EIF2A: variants seen among roughly 807,000 people sequenced by gnomAD.
EIF2A encodes 65 kDa eukaryotic translation initiation factor 2A.
A neutral mutation model predicts 75.2 loss-of-function variants in EIF2A; 62 were observed. The ratio of observed to expected loss-of-function variants is 0.82; its 90% CI spans 0.67 to 1.02. EIF2A has a LOEUF of 1.02. Among genes scored for constraint, EIF2A ranks in the 50% least tolerant of loss-of-function variants. EIF2A has a pLI of 0.00. For synonymous variants in EIF2A, 207 were observed against 239.0 expected, an observed-to-expected ratio of 0.87 and a Z score of 1.23; for missense variants, 611 against 677.7, an observed-to-expected ratio of 0.90 and a Z score of 1.09.
In EIF2A at chr3:150,552,391, C is replaced by T. The variant is rs1489128272; in HGVS notation, c.64C>T (p.Pro22Ser). Reference protein sequence around the residue: ...GSEGLYMVNGPPHFTESTVFP... With the variant: ...GSEGLYMVNGSPHFTESTVFP... ...AGAAGGACTGTACATGGTGAATGGA[C>T]CACCACATTTTACAGAAAGCACAGT... is the stretch of plus-strand genomic sequence containing the variant. Residue 22 changes from proline to serine, a missense_variant, in exon 2 of 14, where the codon CCA becomes TCA. Physicochemically the swap from Pro to Ser is moderately conservative, Grantham distance 74. Transcript: ENST00000460851. 6.4e-7 allele frequency: 1 copy of T among 1,553,296 alleles called. No individual in the cohort carries two copies. Among genetic ancestry groups the T allele is most frequent in the Admixed American group, 2.0e-5 (1 of 51,174 alleles).
rs200092124 is a variant in EIF2A at position 150,558,483 on chromosome 3, C to A, written c.173+21C>A. On this transcript the variant is annotated intron_variant, in intron 3 of 13. Coordinates refer to ENST00000460851, the MANE Select transcript of EIF2A (RefSeq NM_032025.5). Reference sequence around the variant, plus strand: ...GAAAAGTTAGTGTTCATTTACATAACATATTTTGTGTGTCACGAATATAAA... The same window carrying A: ...GAAAAGTTAGTGTTCATTTACATAAAATATTTTGTGTGTCACGAATATAAA... 63 of 1,466,012 alleles carry A rather than the reference C, an allele frequency of 4.3e-5. No homozygotes were observed. The African/African-American group carries it at 9.2e-4, about 21-fold the overall frequency. The allele number at this position is 1,466,012 out of a possible 1,614,324, so 90.8% of individuals were successfully genotyped here. A position where few individuals can be genotyped will look rare whatever the true frequency, so the allele number is the denominator to read the frequency against.
intron 9 of EIF2A, among the ~76,000 whole-genome samples, chr3:150,570,619 T>G (rs952869447): frequency 2.6e-5 from 4 of 151,380 alleles, no homozygotes; most frequent in African/African-American, 4.9e-5. Context: ...GAAATAAAAT[T>G]ACTTACAGTA....
At chr3:150,573,992 C>T (rs1334487920) in intron 10 of EIF2A, among the ~76,000 whole-genome samples, 1 of 151,958 alleles carries the variant, frequency 6.6e-6, no homozygotes, top group Non-Finnish European at 1.5e-5. Flanking sequence ...GGTGGATCGC[C>T]TGAGCTCAGG....
At chr3:150,583,391 C>A in intron 13 of EIF2A, 126 bp downstream of exon 13, 1 of 800,106 alleles carries the variant, frequency 1.2e-6, no homozygotes. Context: ...AACCATATGC[C>A]ATATTCTTTT....
chr3:150,572,392 T>A lies in EIF2A; in HGVS notation c.1246T>A (p.Phe416Ile). 1.9e-6 allele frequency: 3 copies of A among 1,614,006 alleles called. No homozygotes were observed. The highest frequency in any genetic ancestry group is 2.5e-6 in the Non-Finnish European group (3 of 1,179,876). Residue 416 changes from phenylalanine to isoleucine, a missense_variant, in exon 10 of 14, where the codon TTT (phenylalanine) becomes ATT (isoleucine). By Grantham distance (21) the Phe-to-Ile change is conservative. Transcript: ENST00000460851. ...ATTATGGCAGGTTTCTTGGCAGCCA[T>A]TTTTGGATGGAATATTTCCAGCAAA... is the stretch of plus-strand genomic sequence containing the variant. The part of the protein sequence containing the change: ...AELWQVSWQP[F>I]LDGIFPAKTI...
At chr3:150,575,915 CCT>C (rs1000413936) in intron 11 of EIF2A, among the ~76,000 whole-genome samples, 153 bp downstream of exon 11, 37 of 152,082 alleles carry the variant, frequency 2.4e-4, no homozygotes, top group African/African-American at 8.4e-4. Flanking sequence ...GTGGTGAAAC[CCT>C]GTCTCTACTA....
chr3:150,571,562 A>C (rs1324532167), intron 9 of EIF2A, among the ~76,000 whole-genome samples: 1 of 152,208 alleles, frequency 6.6e-6, no homozygotes, highest in Non-Finnish European at 1.5e-5. Context: ...AGCTGTGATC[A>C]TGCCACTGCA....
chr3:150,555,240 T>C (rs932445532), intron 2 of EIF2A, among the ~76,000 whole-genome samples: 3 of 151,638 alleles, frequency 2.0e-5, no homozygotes, highest in African/African-American at 7.3e-5. Flanking sequence ...GTATGCACAT[T>C]ATTTATTTAT....
chr3:150,548,049 G>A (rs545507761), intron 1 of EIF2A, among the ~76,000 whole-genome samples: 3 of 152,144 alleles, frequency 2.0e-5, no homozygotes, highest in Non-Finnish European at 4.4e-5. Flanking sequence ...TCTGCTTACA[G>A]GGTAGATTCC....
At chr3:150,557,356 A>G (rs906329225) in intron 2 of EIF2A, among the ~76,000 whole-genome samples, 2 of 152,182 alleles carry the variant, frequency 1.3e-5, no homozygotes, top group African/African-American at 4.8e-5. Context: ...GTAGGGTAGT[A>G]TAGGATGGGG....
At chr3:150,572,725 G>A (rs553019126) in intron 10 of EIF2A, among the ~76,000 whole-genome samples, 196 bp downstream of exon 10, 36 of 152,082 alleles carry the variant, frequency 2.4e-4, no homozygotes, top group Admixed American at 3.9e-4. Context: ...GCATGGTGGC[G>A]CATGCCCGTA....
chr3:150,583,797 A>G, intron 13 of EIF2A, 49 bp from the exon 14 acceptor site: 3 of 1,553,982 alleles, frequency 1.9e-6, no homozygotes, highest in South Asian at 1.1e-5. Flanking sequence ...TTTTGGTTAC[A>G]TATCCAGTAA....
chr3:150,574,597 A>C (rs1296335789), intron 10 of EIF2A, among the ~76,000 whole-genome samples: 1 of 152,254 alleles, frequency 6.6e-6, no homozygotes, highest in African/African-American at 2.4e-5. Context: ...GCTGTTCTAC[A>C]AATGTGGGTT....
At chr3:150,558,564 T>C in intron 3 of EIF2A, 102 bp downstream of exon 3, 1 of 1,063,136 alleles carries the variant, frequency 9.4e-7, no homozygotes, top group South Asian at 2.1e-5. Flanking sequence ...AAAATCCGTC[T>C]TTTAATGTCA....
At chr3:150,557,399 GA>G (rs1010559491) in intron 2 of EIF2A, among the ~76,000 whole-genome samples, 3 of 152,006 alleles carry the variant, frequency 2.0e-5, no homozygotes, top group African/African-American at 7.2e-5. Flanking sequence ...ATGTGGGAAA[GA>G]TTTTTTTTAT....
rs144607574 is a variant in EIF2A at position 150,585,314 on chromosome 3, G to T, written c.*1403G>T. 2 of 152,290 alleles carry T rather than the reference G, an allele frequency of 1.3e-5. No homozygotes were observed. The highest frequency in any genetic ancestry group is 4.8e-5 in the African/African-American group (2 of 41,452). The allele number at this position is 152,290 out of a possible 1,614,324, so 9.4% of individuals were successfully genotyped here. A position where few individuals can be genotyped will look rare whatever the true frequency, so the allele number is the denominator to read the frequency against. ...GTGGGTGGATCACCTGAGGTCAGGA[G>T]TTCAAGACCAGCCTGATCAACATGG... On this transcript the variant is annotated 3_prime_UTR_variant, in exon 14 of 14. Coordinates refer to ENST00000460851, the MANE Select transcript of EIF2A (RefSeq NM_032025.5).
At chr3:150,573,356 A>G (rs930934064) in intron 10 of EIF2A, among the ~76,000 whole-genome samples, 22 of 152,124 alleles carry the variant, frequency 1.4e-4, no homozygotes, top group African/African-American at 5.1e-4. Flanking sequence ...GGGTTCAAGC[A>G]ATTCTCCTGC....
At chr3:150,569,381 C>A (rs1724371894) in intron 9 of EIF2A, among the ~76,000 whole-genome samples, 1 of 151,746 alleles carries the variant, frequency 6.6e-6, no homozygotes, top group Non-Finnish European at 1.5e-5. Flanking sequence ...GATGTCATTT[C>A]TCTCTTGTCA....
intron 3 of EIF2A, among the ~76,000 whole-genome samples, chr3:150,560,098 A>G (rs1723773495): frequency 6.6e-6 from 1 of 151,974 alleles, no homozygotes; most frequent in Non-Finnish European, 1.5e-5. Flanking sequence ...AGTTTGTTGA[A>G]TAAGTCTGTT....
Sources: gnomAD v4.1 joint callset for allele counts (sites outside exome capture counted in the v4.1 genomes callset) on GRCh38, gnomAD v4.1.1 for gene constraint, MANE v1.5 for transcripts, NCBI Gene and HGNC (gene_info 2026-07-23, HGNC 2026-07-21) for gene names.